The following DLG2 variants were observed in gnomAD, a reference collection of about 807,000 sequenced individuals.
The protein encoded by DLG2 is disks large homolog 2.
DLG2 carries 45 observed loss-of-function variants against 132.5 expected under a neutral mutation model. The ratio of observed to expected loss-of-function variants is 0.34; its 90% CI spans 0.27 to 0.44. The LOEUF (loss-of-function observed/expected upper bound fraction) is 0.44, where lower values mean the gene tolerates loss of function less well. DLG2 is among the 20% of genes least tolerant of loss of function. The pLI is 1.00. For missense variants in DLG2, 1,045 were observed against 1,196.9 expected (o/e 0.87, Z 1.87); for synonymous variants, 424 against 419.6 (o/e 1.01, Z -0.13).
intron 9 of DLG2, among the ~76,000 whole-genome samples, chr11:84,133,227 G>A (rs960101610): frequency 6.6e-6 from 1 of 151,994 alleles, no homozygotes; most frequent in Admixed American, 6.6e-5. Context: ...AATGTAAAAA[G>A]CAAATCCAAA....
At chr11:84,432,728 A>G (rs925207159) in intron 7 of DLG2, among the ~76,000 whole-genome samples, 13 of 152,126 alleles carry the variant, frequency 8.5e-5, no homozygotes, top group Non-Finnish European at 1.5e-4. Flanking sequence ...CTGGTTTTTA[A>G]AAAGTTTTCC....
At chr11:85,535,040 G>A (rs114293992) in intron 3 of DLG2, among the ~76,000 whole-genome samples, 2,163 of 152,244 alleles carry the variant, frequency 0.014, 50 homozygotes, top group African/African-American at 0.05. Flanking sequence ...TCTGACTGGT[G>A]TGACATGGTA....
chr11:83,640,839 G>A (rs1024218986), intron 18 of DLG2, among the ~76,000 whole-genome samples: 1 of 152,058 alleles, frequency 6.6e-6, no homozygotes, highest in Non-Finnish European at 1.5e-5. Context: ...GACAAATTGG[G>A]GCAGGTTAAA....
intron 6 of DLG2, among the ~76,000 whole-genome samples, chr11:85,015,805 T>C (rs2059528205): frequency 6.6e-6 from 1 of 152,158 alleles, no homozygotes; most frequent in Admixed American, 6.6e-5. Context: ...TATATGGAAC[T>C]TCGTGCCATG....
chr11:85,134,109 A>T (rs555882842), intron 5 of DLG2, among the ~76,000 whole-genome samples: 1 of 152,064 alleles, frequency 6.6e-6, no homozygotes, highest in Non-Finnish European at 1.5e-5. Flanking sequence ...AAAAATCGAA[A>T]ATCAATGATT....
intron 15 of DLG2, among the ~76,000 whole-genome samples, chr11:83,927,742 C>G (rs999630008): frequency 6.6e-6 from 1 of 151,928 alleles, no homozygotes; most frequent in African/African-American, 2.4e-5. Flanking sequence ...TGGAGGTCAA[C>G]AGTGGAAATG....
intron 6 of DLG2, among the ~76,000 whole-genome samples, chr11:85,039,510 T>C (rs1593097879): frequency 6.6e-6 from 1 of 152,012 alleles, no homozygotes; most frequent in Non-Finnish European, 1.5e-5. Context: ...TGAGCCATGG[T>C]TTCCTCATCT....
intron 7 of DLG2, among the ~76,000 whole-genome samples, chr11:84,257,589 C>T (rs2097493449): frequency 6.6e-6 from 1 of 151,766 alleles, no homozygotes; most frequent in East Asian, 1.9e-4. Context: ...TGGTAAATAG[C>T]TGGTAAATCT....
rs554123708 is a variant in DLG2, at chr11:83,865,699, A to G, written c.1565+8721T>C. Among the ~76,000 whole-genome samples the G allele has an allele frequency of 4.5e-4, 69 of 152,152 alleles. 1 individual carries two copies. Among genetic ancestry groups the G allele is most frequent in the Admixed American group, 3.9e-3 (60 of 15,258 alleles). ...AGGCAAACAAACACATAAACATAAA[A>G]CCGAAGGAACAGCAGAACTGGTCAG... On this transcript the variant is annotated intron_variant, in intron 16 of 27. Coordinates refer to ENST00000376104, the MANE Select transcript of DLG2 (RefSeq NM_001142699.3).
At position 83,494,229 on chromosome 11, in the gene DLG2, A is replaced by C. The variant is rs192358758; in HGVS notation, c.2194-10001T>G. On this transcript the variant is annotated intron_variant, in intron 21 of 27. Coordinates refer to ENST00000376104, the MANE Select transcript of DLG2 (RefSeq NM_001142699.3). ...CTGAGTTTCACTTTAAGTCCTAATTATTTATAGACTAACCAAAATGAATTG... is the reference window on the plus strand; with the variant it reads ...CTGAGTTTCACTTTAAGTCCTAATTCTTTATAGACTAACCAAAATGAATTG... Among the ~76,000 whole-genome samples, 765 of 142,300 alleles carry C rather than the reference A, an allele frequency of 5.4e-3. 5 individuals are homozygous for C. Among genetic ancestry groups the C allele is most frequent in the Middle Eastern group, 6.8e-3 (2 of 294 alleles). The allele number at this position is 142,300 out of a possible 152,430, so 93.4% of individuals were successfully genotyped here. A position where few individuals can be genotyped will look rare whatever the true frequency, so the allele number is the denominator to read the frequency against.
chr11:85,285,220 C>A lies in DLG2; in HGVS notation c.186G>T (p.Glu62Asp). The change falls in exon 4 of 28, where the codon GAG (glutamate) becomes GAT (aspartate). Residue 62 changes from glutamate to aspartate, a missense_variant and splice_region_variant. Physicochemically the swap from Glu to Asp is conservative, Grantham distance 45. This residue lies in a region of DLG2 where 277 missense variants were observed against 238.2 expected (regional missense o/e 1.16). Transcript: ENST00000376104. ...PCHDRLQKSS[E>D]LTDCSGSKEN... ...TCTTTTGGAAGTTTCAGTAGTATAC[C>A]TCTGAAGATTTTTGAAGTCTGTCAT... 1 of 1,610,372 alleles carries A rather than the reference C, an allele frequency of 6.2e-7. No homozygotes were observed. The highest frequency in any genetic ancestry group is 8.5e-7 in the Non-Finnish European group (1 of 1,177,814).
chr11:85,285,375 A>G lies in DLG2; in HGVS notation c.41-10T>C. On this transcript the variant is annotated splice_polypyrimidine_tract_variant and intron_variant, in intron 3 of 27. Transcript: ENST00000376104. ...TAAAATTCTTGGATATCTGTAAAGA[A>G]AATGTAAGGAAAGCATCAAAATGTA... 1 of 1,608,620 alleles carries G rather than the reference A, an allele frequency of 6.2e-7. No individual in the cohort carries two copies. Among genetic ancestry groups the G allele is most frequent in the Non-Finnish European group, 8.5e-7 (1 of 1,177,060 alleles).
intron 6 of DLG2, among the ~76,000 whole-genome samples, chr11:84,609,589 T>C (rs1399419468): frequency 6.6e-6 from 1 of 152,188 alleles, no homozygotes; most frequent in African/African-American, 2.4e-5. Flanking sequence ...CAACTGCCGA[T>C]GATTAACACA....
intron 3 of DLG2, among the ~76,000 whole-genome samples, chr11:85,576,413 T>C (rs1330877233): frequency 6.6e-6 from 1 of 152,196 alleles, no homozygotes; most frequent in African/African-American, 2.4e-5. Context: ...TCTGAGCTCT[T>C]GGCACAAAGA....
intron 6 of DLG2, among the ~76,000 whole-genome samples, chr11:85,032,312 A>C (rs1396511724): frequency 6.6e-6 from 1 of 152,194 alleles, no homozygotes; most frequent in Non-Finnish European, 1.5e-5. Context: ...ATGTTTTATG[A>C]AGTTGAATAT....
At chr11:85,150,105 C>T (rs755453199) in intron 5 of DLG2, among the ~76,000 whole-genome samples, 9 of 148,052 alleles carry the variant, frequency 6.1e-5, no homozygotes, top group African/African-American at 1.0e-4. Context: ...CTGCAGGTTC[C>T]GCCTCCCGAG....
At chr11:85,261,969 A>G (rs1171394270) in intron 4 of DLG2, among the ~76,000 whole-genome samples, 1 of 152,130 alleles carries the variant, frequency 6.6e-6, no homozygotes, top group Non-Finnish European at 1.5e-5. Flanking sequence ...AGTTGGGGTG[A>G]ATGGGAGAGA....
chr11:84,864,339 C>A (rs1259393498), intron 6 of DLG2, among the ~76,000 whole-genome samples: 1 of 152,166 alleles, frequency 6.6e-6, no homozygotes, highest in East Asian at 1.9e-4. Context: ...AAAGTAAACT[C>A]TGTCCTCAGT....
chr11:84,446,959 A>G (rs1317905587), intron 7 of DLG2, among the ~76,000 whole-genome samples: 1 of 152,142 alleles, frequency 6.6e-6, no homozygotes, highest in East Asian at 1.9e-4. Context: ...CCTCTAAATT[A>G]ACCCAAAATC....
Sources: allele counts gnomAD v4.1 joint callset (sites outside exome capture counted in the v4.1 genomes callset), GRCh38; gene constraint gnomAD v4.1.1; regional missense constraint gnomAD v4.1.1; transcripts MANE v1.5; gene names NCBI Gene and HGNC (gene_info 2026-07-23, HGNC 2026-07-21).